Variants in TMEM229B observed in about 807,000 individuals in gnomAD.
The protein encoded by TMEM229B is chromosome 14 open reading frame 83.
In TMEM229B, 6 loss-of-function variants were observed where a neutral mutation model predicts 13.7. The ratio of observed to expected loss-of-function variants is 0.44; its 90% CI spans 0.24 to 0.86. The LOEUF is 0.86. TMEM229B is among the 40% of genes least tolerant of loss of function. The probability of loss-of-function intolerance (pLI) is 0.23; values close to 1 mark genes in which losing one functional copy is unlikely to be tolerated. For missense variants in TMEM229B, 170 were observed against 236.0 expected (o/e 0.72, Z 1.83); for synonymous variants, 107 against 102.1 (o/e 1.05, Z -0.29).
Position 67,502,856 on chromosome 14 carries a change from A to G in TMEM229B, c.-192+12230T>C, listed in dbSNP as rs146884347. On this transcript the variant is annotated intron_variant, in intron 1 of 2. Transcript: ENST00000357461. ...ACTTTATTAAATACTTTCTGTGTGT[A>G]AAACCTTGTACAGGGTCCTGAAATG... is the stretch of plus-strand genomic sequence containing the variant. 2.3e-3 allele frequency among the ~76,000 whole-genome samples: 351 copies of G among 152,292 alleles called. 2 individuals are homozygous for G. Among genetic ancestry groups the G allele is most frequent in the African/African-American group, 7.9e-3 (327 of 41,554 alleles).
rs190703979 is a variant in TMEM229B, at chr14:67,471,833, C to G, written c.*1587G>C. On this transcript the variant is annotated 3_prime_UTR_variant, in exon 3 of 3. Transcript: ENST00000554480. ...AGGACATTCTCTCCACAGGTGATAC[C>G]GTCACTTTGTAATGATCCATAAAAA... The G allele has an allele frequency of 2.6e-5, 4 of 152,432 alleles. No individual in the cohort carries two copies. The highest frequency in any genetic ancestry group is 2.1e-4 in the South Asian group (1 of 4,818). 9.4% of individuals were successfully genotyped at this position (152,432 alleles called of 1,614,324 possible).
At chr14:67,518,412 G>A (rs1339146867), upstream of TMEM229B, among the ~76,000 whole-genome samples, 1 of 152,216 alleles carries the variant, frequency 6.6e-6, no homozygotes, top group African/African-American at 2.4e-5. Context: ...GTAGGAGAAT[G>A]CATATAAGGT....
intron 1 of TMEM229B, among the ~76,000 whole-genome samples, chr14:67,510,563 G>T (rs1426939298): frequency 6.6e-6 from 1 of 152,076 alleles, no homozygotes; most frequent in Non-Finnish European, 1.5e-5. Context: ...CAAACTAAAA[G>T]AAAAAGAAAA....
At chr14:67,529,726 C>T in intron 1 of TMEM229B, among the ~76,000 whole-genome samples, 1 of 152,180 alleles carries the variant, frequency 6.6e-6, no homozygotes, top group Non-Finnish European at 1.5e-5. Flanking sequence ...CCCATGGTGG[C>T]TAATCCTGAC....
chr14:67,497,191 G>C (rs148699099), intron 1 of TMEM229B, among the ~76,000 whole-genome samples: 1 of 152,194 alleles, frequency 6.6e-6, no homozygotes, highest in Non-Finnish European at 1.5e-5. Context: ...ATATGCTGCG[G>C]GCACACACGA....
At chr14:67,477,380 T>C (rs1478732249) in intron 2 of TMEM229B, among the ~76,000 whole-genome samples, 1 of 152,214 alleles carries the variant, frequency 6.6e-6, no homozygotes, top group Non-Finnish European at 1.5e-5. Flanking sequence ...TCCATGAGTA[T>C]AAACCAGCTT....
At chr14:67,491,676 C>G (rs1248519426), upstream of TMEM229B, among the ~76,000 whole-genome samples, 1 of 152,226 alleles carries the variant, frequency 6.6e-6, no homozygotes. Context: ...GGGGAGCCCT[C>G]TGGTTACTCA....
upstream of TMEM229B, among the ~76,000 whole-genome samples, chr14:67,517,237 G>A (rs554374088): frequency 1.7e-3 from 262 of 152,090 alleles, no homozygotes; most frequent in African/African-American, 6.0e-3. Flanking sequence ...GGCATAGTAC[G>A]CCTAATCTCC....
At chr14:67,515,496 C>G (rs546647052), upstream of TMEM229B, 111 of 156,910 alleles carry the variant, frequency 7.1e-4, 1 homozygote, top group Non-Finnish European at 1.1e-3. Context: ...GACAGGCGCT[C>G]GCCCTGCCGC....
At chr14:67,514,571 A>G (rs969676194) in intron 1 of TMEM229B, among the ~76,000 whole-genome samples, 3 of 151,968 alleles carry the variant, frequency 2.0e-5, no homozygotes, top group South Asian at 4.2e-4. Context: ...TCATTTTGGC[A>G]GCGTTCCCTT....
chr14:67,508,450 G>C (rs1365013337), intron 1 of TMEM229B, among the ~76,000 whole-genome samples: 1 of 152,084 alleles, frequency 6.6e-6, no homozygotes, highest in African/African-American at 2.4e-5. Context: ...GAGTCACTGA[G>C]CTGTGAGGAG....
chr14:67,494,615 G>A (rs1260414724), intron 1 of TMEM229B, among the ~76,000 whole-genome samples: 2 of 152,184 alleles, frequency 1.3e-5, no homozygotes, highest in Non-Finnish European at 2.9e-5. Flanking sequence ...GAGAGGTAGG[G>A]GATGCCTAGA....
At chr14:67,481,905 C>A (rs2031610374) in intron 2 of TMEM229B, among the ~76,000 whole-genome samples, 2 of 152,158 alleles carry the variant, frequency 1.3e-5, no homozygotes, top group Admixed American at 1.3e-4. Context: ...AGACCTGTGA[C>A]ATGAAGATAG....
intron 2 of TMEM229B, among the ~76,000 whole-genome samples, chr14:67,476,302 T>C (rs139044000): frequency 1.0e-3 from 157 of 152,310 alleles, no homozygotes; most frequent in African/African-American, 3.7e-3. Flanking sequence ...TAATTAAAAT[T>C]CAGGCTGGGC....
chr14:67,480,325 AT>A (rs1346609428), intron 2 of TMEM229B, among the ~76,000 whole-genome samples: 5 of 152,120 alleles, frequency 3.3e-5, no homozygotes, highest in Admixed American at 2.6e-4. Flanking sequence ...TCGGGTGGCA[AT>A]AATAACCCCA....
At chr14:67,503,690 A>T (rs7143365) in intron 1 of TMEM229B, 131,940 of 151,862 alleles carry the variant, frequency 0.87, 58,476 homozygotes, top group Non-Finnish European at 0.95. Context: ...TACTTTTTTT[A>T]AATTATTTTT....
At position 67,526,363 on chromosome 14, in the gene TMEM229B, A is replaced by G. The variant is rs538981167; in HGVS notation, c.-192+7273T>C. ...TGTCCCCTGCCCGTGTAACATGGGT[A>G]GGTAAGATGCCTGCTTGGAATGAGT... On this transcript the variant is annotated intron_variant, in intron 1 of 2. Coordinates refer to the TMEM229B transcript ENST00000554278. 1.6e-4 allele frequency among the ~76,000 whole-genome samples: 25 copies of G among 152,342 alleles called. No individual in the cohort carries two copies. The South Asian group carries it at 5.2e-3, about 32-fold the overall frequency.
intron 1 of TMEM229B, among the ~76,000 whole-genome samples, chr14:67,499,273 G>C (rs2032513458): frequency 1.3e-5 from 2 of 152,080 alleles, no homozygotes; most frequent in South Asian, 4.1e-4. Flanking sequence ...CAAGGCACTG[G>C]GATTATAAGT....
At chr14:67,479,696 T>C (rs2031466618) in intron 2 of TMEM229B, among the ~76,000 whole-genome samples, 1 of 152,008 alleles carries the variant, frequency 6.6e-6, no homozygotes, top group Non-Finnish European at 1.5e-5. Context: ...CTAGCCTAGG[T>C]GACAGAGTGA....
Sources: gnomAD v4.1 joint callset for allele counts (sites outside exome capture counted in the v4.1 genomes callset) on GRCh38, gnomAD v4.1.1 for gene constraint, MANE v1.5 for transcripts, NCBI Gene and HGNC (gene_info 2026-07-23, HGNC 2026-07-21) for gene names.